Variants in GRIA2 observed in about 807,000 individuals in gnomAD.
The protein encoded by GRIA2 is glutamate ionotropic receptor AMPA type subunit 2, also known as glutamate receptor 2.
In GRIA2, 14 loss-of-function variants were observed where a neutral mutation model predicts 97.3. That is an observed-to-expected ratio of 0.14 (90% CI 0.10 to 0.23). GRIA2 has a LOEUF of 0.23. Ranked by LOEUF, GRIA2 falls within the 10% of genes least tolerant of loss-of-function variation. The pLI is 1.00. For synonymous variants in GRIA2, 412 were observed against 387.8 expected (o/e 1.06, Z -0.73); for missense variants, 558 against 1,069.8 (o/e 0.52, Z 6.67).
In GRIA2 at chr4:157,361,944, G is replaced by A. The variant is rs1736649015; in HGVS notation, c.2406+820G>A. ...AGCAACATACTGAAATAGAGTAAAT[G>A]GCCTAATGAGAACATTAATGAAACA... On this transcript the variant is annotated intron_variant, in intron 14 of 15. Coordinates refer to ENST00000264426, the MANE Select transcript of GRIA2 (RefSeq NM_001083619.3). The surrounding 1 kb of genome is among the most constrained non-coding windows in gnomAD (Gnocchi z 5.2). 6.6e-6 allele frequency among the ~76,000 whole-genome samples: 1 copy of A among 152,098 alleles called. No homozygotes were observed. Among genetic ancestry groups the A allele is most frequent in the African/African-American group, 2.4e-5 (1 of 41,436 alleles).
intron 3 of GRIA2, among the ~76,000 whole-genome samples, chr4:157,308,809 C>T (rs1227544104): frequency 6.6e-6 from 1 of 152,046 alleles, no homozygotes; most frequent in Non-Finnish European, 1.5e-5. Flanking sequence ...TAATTGAATA[C>T]GGTACAAAGA....
At chr4:157,344,119 A>C (rs902972487) in intron 12 of GRIA2, among the ~76,000 whole-genome samples, 4 of 152,092 alleles carry the variant, frequency 2.6e-5, no homozygotes, top group African/African-American at 9.7e-5. Flanking sequence ...ATGTTGTATA[A>C]AATATTGAAC....
At chr4:157,312,930 C>G (rs1170300693) in intron 4 of GRIA2, 55 bp downstream of exon 4, 12 of 1,034,744 alleles carry the variant, frequency 1.2e-5, no homozygotes, top group Non-Finnish European at 1.7e-5. Context: ...CATGCAATGT[C>G]AGCATTTGCA....
rs1736791225 is a variant in GRIA2, at chr4:157,364,467, A to C, written c.*1036A>C. ...ATCTGAATATCTTTTTGACATGTCT[A>C]AATATATATATATATAAAGAAATAT... On this transcript the variant is annotated 3_prime_UTR_variant, in exon 16 of 16. Coordinates refer to ENST00000264426, the MANE Select transcript of GRIA2 (RefSeq NM_001083619.3). 1 of 151,548 alleles carries C rather than the reference A, an allele frequency of 6.6e-6. No individual in the cohort carries two copies. The highest frequency in any genetic ancestry group is 1.5e-5 in the Non-Finnish European group (1 of 67,802). 9.4% of individuals were successfully genotyped at this position (151,548 alleles called of 1,614,324 possible). A position where few individuals can be genotyped will look rare whatever the true frequency, so the allele number is the denominator to read the frequency against.
intron 2 of GRIA2, among the ~76,000 whole-genome samples, chr4:157,278,799 A>G (rs908234165): frequency 2.0e-5 from 3 of 152,124 alleles, no homozygotes; most frequent in Admixed American, 6.6e-5. Flanking sequence ...GAATAAAAAA[A>G]AATAGACAAA....
chr4:157,276,482 A>T (rs1465631661), intron 2 of GRIA2, among the ~76,000 whole-genome samples: 3 of 152,038 alleles, frequency 2.0e-5, no homozygotes, highest in Non-Finnish European at 4.4e-5. Context: ...CTGGATAATG[A>T]AGAGCAAATA....
intron 2 of GRIA2, among the ~76,000 whole-genome samples, chr4:157,253,966 CT>C: frequency 6.6e-6 from 1 of 151,168 alleles, no homozygotes; most frequent in East Asian, 1.9e-4. Flanking sequence ...AAAGAGTAGA[CT>C]TGTCAGAAAT....
chr4:157,299,630 G>A (rs554647407), intron 2 of GRIA2, among the ~76,000 whole-genome samples: 1 of 152,160 alleles, frequency 6.6e-6, no homozygotes, highest in South Asian at 2.1e-4. Context: ...AAGATGTGTT[G>A]GATGCACCAT....
At chr4:157,240,935 C>G (rs1272915593) in intron 2 of GRIA2, among the ~76,000 whole-genome samples, 1 of 151,746 alleles carries the variant, frequency 6.6e-6, no homozygotes, top group Admixed American at 6.6e-5. Context: ...GTTCAGTTCC[C>G]ACCTATGAGT....
At chr4:157,257,250 T>A (rs571930324) in intron 2 of GRIA2, among the ~76,000 whole-genome samples, 1 of 152,236 alleles carries the variant, frequency 6.6e-6, no homozygotes, top group Non-Finnish European at 1.5e-5. Context: ...GACTTTTTAC[T>A]GTGCTGTGCC....
At chr4:157,359,054 A>G (rs1232799023) in intron 12 of GRIA2, among the ~76,000 whole-genome samples, 1 of 152,194 alleles carries the variant, frequency 6.6e-6, no homozygotes, top group Non-Finnish European at 1.5e-5. Context: ...GAATAGAAAA[A>G]TAAGCAGACA....
chr4:157,348,350 G>A (rs1001096623), intron 12 of GRIA2, among the ~76,000 whole-genome samples: 1 of 151,888 alleles, frequency 6.6e-6, no homozygotes, highest in Non-Finnish European at 1.5e-5. Context: ...CTCCTGGCTT[G>A]AACTGATCCT....
intron 3 of GRIA2, among the ~76,000 whole-genome samples, chr4:157,306,859 GCA>G (rs1733868422): frequency 6.6e-6 from 1 of 152,180 alleles, no homozygotes; most frequent in African/African-American, 2.4e-5. Flanking sequence ...TTCAAAGTAG[GCA>G]CCTCCTTGCT....
At chr4:157,291,855 A>C (rs1439381215) in intron 2 of GRIA2, among the ~76,000 whole-genome samples, 4 of 151,994 alleles carry the variant, frequency 2.6e-5, no homozygotes, top group African/African-American at 9.7e-5. Flanking sequence ...AGGGTTCAGT[A>C]AGATCACTAG....
Position 157,355,973 on chromosome 4 carries a change from A to ATATGTT in GRIA2, c.2044-3920_2044-3919insGTTTAT, listed in dbSNP as rs1560781348. Reference sequence around the variant, plus strand: ...TATTTATATATTTATGTATATTAATATATATATTTATATATTTATATATAT... The same window carrying ATATGTT: ...TATTTATATATTTATGTATATTAATATATGTTTATATATTTATATATTTATATATAT... On this transcript the variant is annotated intron_variant, in intron 12 of 15. Transcript: ENST00000264426. 1.7e-4 allele frequency among the ~76,000 whole-genome samples: 7 copies of ATATGTT among 42,252 alleles called. 1 individual carries two copies. The highest frequency in any genetic ancestry group is 1.6e-3 in the East Asian group (2 of 1,262). The allele number at this position is 42,252 out of a possible 152,430, so 27.7% of individuals were successfully genotyped here.
chr4:157,303,953 A>G (rs534382684), intron 3 of GRIA2, among the ~76,000 whole-genome samples, 162 bp downstream of exon 3: 1 of 152,350 alleles, frequency 6.6e-6, no homozygotes, highest in African/African-American at 2.4e-5. Context: ...CCTGGGAAAC[A>G]TATTTAGAGT....
In GRIA2 at chr4:157,363,959, G is replaced by GA. The variant is rs991001360; in HGVS notation, c.*536dup. 8 of 160,950 alleles carry GA rather than the reference G, an allele frequency of 5.0e-5. No individual in the cohort carries two copies. Among genetic ancestry groups the GA allele is most frequent in the Non-Finnish European group, 6.7e-5 (5 of 74,220 alleles). The allele number at this position is 160,950 out of a possible 1,614,324, so 10.0% of individuals were successfully genotyped here. On this transcript the variant is annotated 3_prime_UTR_variant, in exon 16 of 16. Transcript: ENST00000264426. ...GATGTGACATGTTTTATAAAAAAAG[G>GA]AAAAAAAACATTTAAAACTAAAAAA...
intron 2 of GRIA2, among the ~76,000 whole-genome samples, chr4:157,300,371 A>G (rs1484901594): frequency 6.6e-6 from 1 of 152,118 alleles, no homozygotes; most frequent in Non-Finnish European, 1.5e-5. Context: ...TAAGTTTTTC[A>G]TCTTCAGATG....
intron 2 of GRIA2, 106 bp downstream of exon 2, chr4:157,221,913 AGT>A: frequency 9.6e-7 from 1 of 1,040,482 alleles, no homozygotes; most frequent in South Asian, 1.4e-5. Flanking sequence ...TCTGTGTGTC[AGT>A]GTGTGGGTGT....
Sources: gnomAD v4.1 joint callset for allele counts (sites outside exome capture counted in the v4.1 genomes callset) on GRCh38, gnomAD v4.1.1 for gene constraint, Gnocchi (gnomAD v3.1) non-coding constraint, MANE v1.5 for transcripts, NCBI Gene and HGNC (gene_info 2026-07-23, HGNC 2026-07-21) for gene names.